The following MDGA2 variants were observed in gnomAD, a reference collection of about 807,000 sequenced individuals.
MDGA2 encodes MAM domain-containing glycosylphosphatidylinositol anchor protein 2.
A neutral mutation model predicts 117.8 loss-of-function variants in MDGA2; 40 were observed. That is an observed-to-expected ratio of 0.34 (90% CI 0.26 to 0.44). MDGA2 has a LOEUF of 0.44. Ranked by LOEUF, MDGA2 falls within the 20% of genes least tolerant of loss-of-function variation. The pLI is 1.00. For missense variants in MDGA2, 1,123 were observed against 1,250.6 expected (o/e 0.90, Z 1.54); for synonymous variants, 452 against 439.0 (o/e 1.03, Z -0.37).
At chr14:47,542,252 G>T in intron 1 of MDGA2, among the ~76,000 whole-genome samples, 1 of 152,080 alleles carries the variant, frequency 6.6e-6, no homozygotes, top group East Asian at 1.9e-4. Context: ...GCGACTACAT[G>T]GTCATAATAA....
At chr14:46,890,819 C>A (rs938196940) in intron 10 of MDGA2, among the ~76,000 whole-genome samples, 3 of 151,934 alleles carry the variant, frequency 2.0e-5, no homozygotes, top group Admixed American at 6.6e-5. Flanking sequence ...TCTTGCCCTG[C>A]GATCACAGAA....
At chr14:46,984,794 A>G (rs1373798367) in intron 8 of MDGA2, among the ~76,000 whole-genome samples, 3 of 152,026 alleles carry the variant, frequency 2.0e-5, no homozygotes, top group Non-Finnish European at 4.4e-5. Flanking sequence ...AAAAATACAA[A>G]ATTTATACTT....
intron 2 of MDGA2, among the ~76,000 whole-genome samples, chr14:47,241,143 T>C (rs1216606014): frequency 6.6e-6 from 1 of 151,854 alleles, no homozygotes; most frequent in African/African-American, 2.4e-5. Context: ...AAGTTGATCA[T>C]TTAAAAGGTT....
At chr14:47,438,606 C>T (rs754980375) in intron 1 of MDGA2, among the ~76,000 whole-genome samples, 9 of 152,118 alleles carry the variant, frequency 5.9e-5, no homozygotes, top group Non-Finnish European at 1.2e-4. Flanking sequence ...GAGACAGGAG[C>T]CAGAAATATG....
chr14:47,380,770 T>A (rs77659499), intron 1 of MDGA2, among the ~76,000 whole-genome samples: 110 of 152,122 alleles, frequency 7.2e-4, no homozygotes, highest in African/African-American at 2.5e-3. Context: ...ACAGCCAATT[T>A]CTACCAGAGG....
chr14:47,118,322 TAGA>T (rs1280756313), intron 5 of MDGA2, among the ~76,000 whole-genome samples: 1 of 152,192 alleles, frequency 6.6e-6, no homozygotes, highest in Non-Finnish European at 1.5e-5. Flanking sequence ...GGAATACATA[TAGA>T]AGAACTAAAT....
intron 1 of MDGA2, among the ~76,000 whole-genome samples, chr14:47,327,125 T>C (rs1890167448): frequency 6.6e-6 from 1 of 152,160 alleles, no homozygotes; most frequent in South Asian, 2.1e-4. Context: ...GAGCCATTAC[T>C]TGGACAGAGG....
intron 1 of MDGA2, among the ~76,000 whole-genome samples, chr14:47,462,945 T>C (rs1004209197): frequency 6.6e-6 from 1 of 152,230 alleles, no homozygotes; most frequent in African/African-American, 2.4e-5. Flanking sequence ...GAGACATTTA[T>C]GTATCATTGT....
At chr14:47,309,683 GA>G (rs1393111605) in intron 1 of MDGA2, among the ~76,000 whole-genome samples, 2 of 151,934 alleles carry the variant, frequency 1.3e-5, no homozygotes, top group Non-Finnish European at 2.9e-5. Flanking sequence ...TTTTTAGGTT[GA>G]TGTTAACCAA....
At chr14:47,053,693 A>G (rs900761775) in intron 7 of MDGA2, among the ~76,000 whole-genome samples, 3 of 148,716 alleles carry the variant, frequency 2.0e-5, no homozygotes, top group African/African-American at 4.9e-5. Flanking sequence ...ACACACACAT[A>G]TATGTCTGAG....
intron 1 of MDGA2, among the ~76,000 whole-genome samples, chr14:47,375,160 T>C (rs2138402392): frequency 6.6e-6 from 1 of 151,684 alleles, no homozygotes; most frequent in South Asian, 2.1e-4. Context: ...GTTCAACTAG[T>C]CATCATTAAT....
chr14:47,383,443 A>G (rs1365318768), intron 1 of MDGA2, among the ~76,000 whole-genome samples: 2 of 152,194 alleles, frequency 1.3e-5, no homozygotes, highest in Non-Finnish European at 2.9e-5. Flanking sequence ...ACTGTATGTA[A>G]TATGTGATTC....
rs201353672 is a variant in MDGA2, at chr14:47,079,055, G to A, written c.1196-17477C>T. Among the ~76,000 whole-genome samples the A allele has an allele frequency of 2.6e-5, 4 of 151,048 alleles. No individual in the cohort carries two copies. In the East Asian group the frequency reaches 5.8e-4, roughly 22 times the overall value. ...GATGAAAAAAAAAAAAGGAAACAAG[G>A]ATGGAAGGAAGAAAGGAAGAGAGGG... On this transcript the variant is annotated intron_variant, in intron 6 of 16. Coordinates refer to ENST00000399232, the MANE Select transcript of MDGA2 (RefSeq NM_001113498.3).
At chr14:47,403,692 C>T (rs1220862980) in intron 1 of MDGA2, among the ~76,000 whole-genome samples, 8 of 152,232 alleles carry the variant, frequency 5.3e-5, no homozygotes, top group East Asian at 3.9e-4. Flanking sequence ...TTTGAATTTG[C>T]GTGCTTTAGC....
At chr14:47,172,658 T>C (rs530583068) in intron 3 of MDGA2, among the ~76,000 whole-genome samples, 17 of 152,014 alleles carry the variant, frequency 1.1e-4, no homozygotes, top group African/African-American at 3.6e-4. Context: ...TACATCACCA[T>C]CATCAAACAC....
intron 1 of MDGA2, among the ~76,000 whole-genome samples, chr14:47,322,328 A>T (rs935378303): frequency 7.9e-5 from 12 of 152,212 alleles, no homozygotes; most frequent in Admixed American, 3.9e-4. Context: ...TTCTACTGAC[A>T]AGCTTTAAAG....
intron 1 of MDGA2, among the ~76,000 whole-genome samples, chr14:47,524,060 C>A (rs183410235): frequency 6.6e-6 from 1 of 152,064 alleles, no homozygotes; most frequent in Non-Finnish European, 1.5e-5. Flanking sequence ...TTTAAAGGTG[C>A]TTTTAAATGT....
At chr14:46,955,050 C>G (rs922914577) in intron 9 of MDGA2, among the ~76,000 whole-genome samples, 3 of 151,824 alleles carry the variant, frequency 2.0e-5, no homozygotes, top group African/African-American at 7.3e-5. Context: ...AAAAAATAAG[C>G]CCAGATATTT....
chr14:47,668,891 T>C (rs1898024852), intron 1 of MDGA2, among the ~76,000 whole-genome samples: 1 of 152,214 alleles, frequency 6.6e-6, no homozygotes, highest in African/African-American at 2.4e-5. Flanking sequence ...ATCTGGCTGT[T>C]TGCTGTTGCC....
Sources: gnomAD v4.1 joint callset for allele counts (sites outside exome capture counted in the v4.1 genomes callset) on GRCh38, gnomAD v4.1.1 for gene constraint, MANE v1.5 for transcripts, NCBI Gene and HGNC (gene_info 2026-07-23, HGNC 2026-07-21) for gene names.